Variants in CLCN3 observed in about 807,000 individuals in gnomAD.
CLCN3 encodes the protein Cl-/H+ antiporter 3, also known as H(+)/Cl(-) exchange transporter 3.
CLCN3 carries 16 observed loss-of-function variants against 83.4 expected under a neutral mutation model. The observed-to-expected ratio is 0.19, with a 90% CI of 0.13 to 0.29. The LOEUF is 0.29. CLCN3 is among the 10% of genes least tolerant of loss of function. The pLI is 1.00. For missense variants in CLCN3, 544 were observed against 1,006.0 expected (o/e 0.54, Z 6.21); for synonymous variants, 322 against 346.2 (o/e 0.93, Z 0.78).
intron 2 of CLCN3, among the ~76,000 whole-genome samples, chr4:169,671,385 G>C (rs564290072): frequency 1.3e-5 from 2 of 152,136 alleles, no homozygotes; most frequent in Non-Finnish European, 2.9e-5. Context: ...CTTATAAGTG[G>C]GAGTTGAACA....
chr4:169,658,439 G>A (rs1166546270), intron 2 of CLCN3, among the ~76,000 whole-genome samples: 1 of 151,800 alleles, frequency 6.6e-6, no homozygotes, highest in Non-Finnish European at 1.5e-5. Context: ...TACAAATACC[G>A]GGAAAACTTG....
chr4:169,629,979 T>C (rs1773329463), intron 1 of CLCN3, among the ~76,000 whole-genome samples: 1 of 152,178 alleles, frequency 6.6e-6, no homozygotes, highest in African/African-American at 2.4e-5. Flanking sequence ...TTCTTTAAGG[T>C]TGTCATATAT....
chr4:169,690,521 T>G lies in CLCN3; in HGVS notation c.607-9T>G, dbSNP rs1367451186. 1.9e-6 allele frequency: 3 copies of G among 1,602,456 alleles called. No homozygotes were observed. The highest frequency in any genetic ancestry group is 1.4e-5 in the African/African-American group (1 of 73,984). ...TTAAATTCATACTCTCGAACTATTT[T>G]CTTTTTAGGGTCCTGGTTCTTATAT... On this transcript the variant is annotated splice_polypyrimidine_tract_variant and intron_variant, in intron 5 of 12. Coordinates refer to ENST00000513761, the MANE Select transcript of CLCN3 (RefSeq NM_001829.4).
At chr4:169,660,662 T>C (rs1281707378) in intron 2 of CLCN3, among the ~76,000 whole-genome samples, 1 of 152,224 alleles carries the variant, frequency 6.6e-6, no homozygotes, top group Non-Finnish European at 1.5e-5. Context: ...CTGCTTCAGA[T>C]CACGTCGGGC....
chr4:169,701,069 C>T (rs561011306), intron 9 of CLCN3, among the ~76,000 whole-genome samples: 5 of 152,292 alleles, frequency 3.3e-5, no homozygotes, highest in African/African-American at 1.2e-4. Flanking sequence ...CTGTTTGATA[C>T]CATTTTACCT....
At chr4:169,662,514 A>T (rs10520161) in intron 2 of CLCN3, among the ~76,000 whole-genome samples, 15,143 of 152,250 alleles carry the variant, frequency 0.099, 937 homozygotes, top group East Asian at 0.17. Flanking sequence ...GAAAAAACTG[A>T]ATCAGCTTCC....
intron 7 of CLCN3, 108 bp from the exon 8 acceptor site, chr4:169,695,504 A>G (rs1732531480): frequency 5.1e-6 from 4 of 789,986 alleles, no homozygotes; most frequent in South Asian, 3.1e-5. Flanking sequence ...GAAACATGCA[A>G]GTTAAATTCA....
chr4:169,673,755 T>C (rs1162565688), intron 2 of CLCN3, among the ~76,000 whole-genome samples: 1 of 152,174 alleles, frequency 6.6e-6, no homozygotes, highest in Non-Finnish European at 1.5e-5. Flanking sequence ...GTCACCCCAA[T>C]TCCTGAAATA....
chr4:169,698,600 G>C (rs370579586), intron 9 of CLCN3, among the ~76,000 whole-genome samples: 4 of 152,184 alleles, frequency 2.6e-5, no homozygotes, highest in African/African-American at 9.7e-5. Flanking sequence ...CACATTCAGA[G>C]GAGGGACATA....
chr4:169,696,867 G>C (rs1732583403), intron 8 of CLCN3, among the ~76,000 whole-genome samples: 1 of 151,108 alleles, frequency 6.6e-6, no homozygotes, highest in African/African-American at 2.4e-5. Context: ...AAGTTAACAG[G>C]AGTTGGTGAT....
At chr4:169,673,177 A>G (rs9998446) in intron 2 of CLCN3, among the ~76,000 whole-genome samples, 141,037 of 152,226 alleles carry the variant, frequency 0.93, 66,034 homozygotes, top group East Asian at 1. Flanking sequence ...TGCATGTTTG[A>G]CAGAACAAAT....
At chr4:169,693,581 AT>A (rs56286326) in intron 7 of CLCN3, among the ~76,000 whole-genome samples, 15,147 of 152,202 alleles carry the variant, frequency 0.1, 936 homozygotes, top group East Asian at 0.17. Flanking sequence ...ACCTACTTAC[AT>A]TACTGCCCTT....
At chr4:169,687,879 C>A in intron 4 of CLCN3, 122 bp downstream of exon 4, 1 of 536,442 alleles carries the variant, frequency 1.9e-6, no homozygotes, top group Non-Finnish European at 3.3e-6. Context: ...TTCTCTTCTT[C>A]AAAAAATCTC....
In CLCN3 at chr4:169,680,064, A is replaced by G. The variant is rs370632344; in HGVS notation, c.175A>G (p.Met59Val). 3.7e-6 allele frequency: 6 copies of G among 1,612,072 alleles called. No homozygotes were observed. In the African/African-American group the frequency reaches 4.0e-5, roughly 11 times the overall value. The change falls in exon 3 of 13, where the codon ATG becomes GTG. Residue 59 changes from methionine (M) to valine (V), a missense_variant. Transcript: ENST00000513761. ...GDTAVGTHYT[M>V]TNGGSINSST... ...CTCTTCTGTAGGAACTCATTATACA[A>G]TGACAAATGGAGGCAGCATTAACAG...
At chr4:169,659,922 T>C (rs1730993572) in intron 2 of CLCN3, 1 of 373,406 alleles carries the variant, frequency 2.7e-6, no homozygotes, top group South Asian at 1.1e-4. Flanking sequence ...GCATTCAAAA[T>C]TTCCTTTTTA....
chr4:169,688,207 C>T (rs1732234694), intron 4 of CLCN3, among the ~76,000 whole-genome samples: 1 of 152,174 alleles, frequency 6.6e-6, no homozygotes, highest in Non-Finnish European at 1.5e-5. Context: ...AGAAAAGTAA[C>T]TTAGTTTGAC....
At chr4:169,660,297 GA>G (rs1283734064) in intron 2 of CLCN3, 1 of 1,324,086 alleles carries the variant, frequency 7.6e-7, no homozygotes, top group East Asian at 3.0e-5. Context: ...AGGGATGGAA[GA>G]AATGTCACTT....
chr4:169,697,862 A>G (rs373601684), intron 9 of CLCN3, 128 bp downstream of exon 9: 26 of 678,486 alleles, frequency 3.8e-5, no homozygotes, highest in South Asian at 2.1e-4. Flanking sequence ...AATTTTAAGT[A>G]ATGAAAAAGA....
At chr4:169,691,195 T>G (rs1035227027) in intron 6 of CLCN3, among the ~76,000 whole-genome samples, 4 of 151,962 alleles carry the variant, frequency 2.6e-5, no homozygotes, top group African/African-American at 9.7e-5. Context: ...GTTTTTTTTT[T>G]TTAGTAGAGA....
Sources: gnomAD v4.1 joint callset for allele counts (sites outside exome capture counted in the v4.1 genomes callset) on GRCh38, gnomAD v4.1.1 for gene constraint, MANE v1.5 for transcripts, NCBI Gene and HGNC (gene_info 2026-07-23, HGNC 2026-07-21) for gene names.